Variants in CALR3 observed in about 807,000 individuals in gnomAD.
CALR3 encodes calreticulin 3.
CALR3 carries 39 observed loss-of-function variants against 48.7 expected under a neutral mutation model. The ratio of observed to expected loss-of-function variants is 0.80; its 90% CI spans 0.62 to 1.05. The LOEUF is 1.05. Among genes scored for constraint, CALR3 ranks in the 50% least tolerant of loss-of-function variants. The probability of loss-of-function intolerance (pLI) is 0.00; values close to 1 mark genes in which losing one functional copy is unlikely to be tolerated. For synonymous variants in CALR3, 185 were observed against 172.7 expected (o/e 1.07, Z -0.56); for missense variants, 449 against 474.7 (o/e 0.95, Z 0.50).
At chr19:16,493,635 C>T (rs546547335) in intron 2 of CALR3, among the ~76,000 whole-genome samples, 4 of 151,184 alleles carry the variant, frequency 2.6e-5, no homozygotes, top group African/African-American at 7.3e-5. Context: ...CTGCAACCTC[C>T]GCCTCTCGGG....
chr19:16,494,810 T>C (rs776474521), intron 2 of CALR3, among the ~76,000 whole-genome samples: 3 of 152,222 alleles, frequency 2.0e-5, no homozygotes, highest in African/African-American at 7.2e-5. Context: ...AACACATTCA[T>C]ATAAATATAA....
chr19:16,481,686 A>T (rs144062211), intron 7 of CALR3, among the ~76,000 whole-genome samples: 1,738 of 151,510 alleles, frequency 0.011, 33 homozygotes, highest in African/African-American at 0.04. Context: ...TTTAGTAGAG[A>T]CGAAGTTTCA....
intron 2 of CALR3, among the ~76,000 whole-genome samples, chr19:16,492,189 G>A (rs1229595989): frequency 6.6e-6 from 1 of 152,112 alleles, no homozygotes; most frequent in Non-Finnish European, 1.5e-5. Flanking sequence ...AGGCATGGTG[G>A]CTCACATCTG....
chr19:16,494,059 A>G (rs2093401999), intron 2 of CALR3, among the ~76,000 whole-genome samples: 1 of 150,530 alleles, frequency 6.6e-6, no homozygotes, highest in Non-Finnish European at 1.5e-5. Context: ...TTATCTCTGT[A>G]TTTTTTTCTT....
rs550089146 is a variant in CALR3 at position 16,483,967 on chromosome 19, G to C, written c.641C>G (p.Ser214Trp). The C allele has an allele frequency of 6.2e-6, 10 of 1,613,940 alleles. No individual in the cohort carries two copies. The African/African-American group carries it at 1.3e-4, about 22-fold the overall frequency. ...GTCTTTAGTCTGTTCCCAATCCTTC[G>C]ATTCTGCCGGGGACGTTTCCTTCTT... ...SLKKETSPAESKDWEQTKDNK... is the reference protein window; with the variant it reads ...SLKKETSPAEWKDWEQTKDNK... Residue 214 changes from serine (S) to tryptophan (W), a missense_variant, in exon 5 of 9, where the codon TCG (serine) becomes TGG (tryptophan). Coordinates refer to ENST00000269881, the MANE Select transcript of CALR3 (RefSeq NM_145046.5).
At chr19:16,493,439 A>G (rs2093400976) in intron 2 of CALR3, among the ~76,000 whole-genome samples, 2 of 152,172 alleles carry the variant, frequency 1.3e-5, no homozygotes, top group Admixed American at 1.3e-4. Context: ...AAATGATCCC[A>G]AACTTCTACA....
intron 3 of CALR3, among the ~76,000 whole-genome samples, chr19:16,487,953 A>G (rs1185498314): frequency 6.6e-6 from 1 of 151,856 alleles, no homozygotes; most frequent in Non-Finnish European, 1.5e-5. Flanking sequence ...AGATGGGACT[A>G]CAGGTGCCCA....
intron 3 of CALR3, among the ~76,000 whole-genome samples, chr19:16,487,495 A>AAC (rs976178249): frequency 3.3e-5 from 5 of 151,342 alleles, no homozygotes; most frequent in Non-Finnish European, 5.9e-5. Context: ...AAAAAAAAAA[A>AAC]AAACATTTTG....
Position 16,485,156 on chromosome 19 carries a change from C to CAGTT in CALR3, c.492+3_492+6dup. On this transcript the variant is annotated splice_region_variant and intron_variant, in intron 4 of 8. Coordinates refer to ENST00000269881, the MANE Select transcript of CALR3 (RefSeq NM_145046.5). ...ACACTCATTTATTTGAATACAAGAG[C>CAGTT]AGTTACCTTACACCTGATCAGTTTC... The CAGTT allele has an allele frequency of 6.4e-7, 1 of 1,550,396 alleles. No homozygotes were observed.
intron 3 of CALR3, among the ~76,000 whole-genome samples, chr19:16,488,004 G>A (rs934432090): frequency 1.1e-4 from 17 of 152,150 alleles, no homozygotes; most frequent in Non-Finnish European, 1.2e-4. Context: ...TAGTAGAGAC[G>A]GGGTTTCACT....
intron 2 of CALR3, among the ~76,000 whole-genome samples, chr19:16,492,785 C>G (rs1199131039): frequency 6.6e-6 from 1 of 151,460 alleles, no homozygotes; most frequent in East Asian, 1.9e-4. Flanking sequence ...TGGCGTGAAC[C>G]CAGGAGGCAG....
intron 3 of CALR3, among the ~76,000 whole-genome samples, chr19:16,489,058 A>C (rs932966098): frequency 6.6e-6 from 1 of 152,240 alleles, no homozygotes; most frequent in Non-Finnish European, 1.5e-5. Flanking sequence ...TGTATCACAA[A>C]ATATCATCTT....
intron 2 of CALR3, among the ~76,000 whole-genome samples, chr19:16,493,989 C>G (rs554170091): frequency 6.6e-6 from 1 of 152,092 alleles, no homozygotes; most frequent in African/African-American, 2.4e-5. Flanking sequence ...CCTGCCTGTA[C>G]AAAAGTAAAA....
chr19:16,495,907 A>T, intron 1 of CALR3, 55 bp from the exon 2 acceptor site: 1 of 1,588,142 alleles, frequency 6.3e-7, no homozygotes, highest in Non-Finnish European at 8.6e-7. Flanking sequence ...AATTTGGGCT[A>T]AGGGAAGGGT....
At chr19:16,486,951 T>G (rs2093390033) in intron 3 of CALR3, among the ~76,000 whole-genome samples, 1 of 152,138 alleles carries the variant, frequency 6.6e-6, no homozygotes, top group South Asian at 2.1e-4. Flanking sequence ...TGACCCCAAA[T>G]TATGCTGCTT....
In CALR3 at chr19:16,485,238, A is replaced by G. The variant is rs1484979590; in HGVS notation, c.417T>C (p.Phe139=). ...YIMFGPDICG[F]DIKKVHVILH... ...AAATAACATGAACTTTCTTGATATC[A>G]AATCCACAAATATCGGGTCCTACAA... The change falls in exon 4 of 9, where the codon TTT becomes TTC. Residue 139 remains phenylalanine, a synonymous_variant. Coordinates refer to ENST00000269881, the MANE Select transcript of CALR3 (RefSeq NM_145046.5). 11 of 1,606,686 alleles carry G rather than the reference A, an allele frequency of 6.8e-6. 1 individual carries two copies. Among genetic ancestry groups the G allele is most frequent in the African/African-American group, 1.3e-5 (1 of 74,872 alleles).
intron 3 of CALR3, among the ~76,000 whole-genome samples, chr19:16,486,661 G>A (rs2093389615): frequency 6.6e-6 from 1 of 150,444 alleles, no homozygotes; most frequent in Non-Finnish European, 1.5e-5. Flanking sequence ...TGTAATGGAT[G>A]TTCATGAGGA....
intron 2 of CALR3, among the ~76,000 whole-genome samples, chr19:16,490,992 C>T (rs1330726251): frequency 1.3e-5 from 2 of 152,062 alleles, no homozygotes; most frequent in African/African-American, 4.8e-5. Context: ...AACTCCTGAC[C>T]TCAGGTGACT....
In CALR3 at chr19:16,480,150, C is replaced by T. The variant is rs1176408939; in HGVS notation, c.1011+464G>A. On this transcript the variant is annotated intron_variant, in intron 8 of 8. Coordinates refer to ENST00000269881, the MANE Select transcript of CALR3 (RefSeq NM_145046.5). The stretch of plus-strand genomic sequence containing the variant: ...CCGGGAGGTGGAGGTTGCAGTGCGC[C>T]GAGATCACGCCACTGTACTTCAGCC... Among the ~76,000 whole-genome samples the T allele has an allele frequency of 5.5e-5, 8 of 144,384 alleles. No individual in the cohort carries two copies. In the East Asian group the frequency reaches 1.0e-3, roughly 18 times the overall value. 94.7% of individuals were successfully genotyped at this position (144,384 alleles called of 152,430 possible). A position where few individuals can be genotyped will look rare whatever the true frequency, so the allele number is the denominator to read the frequency against.
Sources: gnomAD v4.1 joint callset for allele counts (sites outside exome capture counted in the v4.1 genomes callset) on GRCh38, gnomAD v4.1.1 for gene constraint, MANE v1.5 for transcripts, NCBI Gene and HGNC (gene_info 2026-07-23, HGNC 2026-07-21) for gene names.